The following OXCT1 variants were observed in gnomAD, a reference collection of about 807,000 sequenced individuals.
OXCT1 encodes the protein succinyl-CoA:3-ketoacid coenzyme A transferase 1, mitochondrial.
In OXCT1, 27 loss-of-function variants were observed where a neutral mutation model predicts 69.6. The ratio of observed to expected loss-of-function variants is 0.39; its 90% confidence interval spans 0.29 to 0.54. The LOEUF (loss-of-function observed/expected upper bound fraction) is 0.54, where lower values mean the gene tolerates loss of function less well. OXCT1 is among the 20% of genes least tolerant of loss of function. The pLI is 0.72. For missense variants in OXCT1, 437 were observed against 650.2 expected, an observed-to-expected ratio of 0.67 and a Z score of 3.57; for synonymous variants, 202 against 217.8, an observed-to-expected ratio of 0.93 and a Z score of 0.64.
chr5:41,790,175 T>TC (rs2112215048), intron 13 of OXCT1, among the ~76,000 whole-genome samples: 1 of 152,318 alleles, frequency 6.6e-6, no homozygotes, highest in African/African-American at 2.4e-5. Flanking sequence ...TGCAGCCCTG[T>TC]CCAGTGGGCT....
At chr5:41,817,432 T>C (rs992565554) in intron 7 of OXCT1, among the ~76,000 whole-genome samples, 22 of 152,344 alleles carry the variant, frequency 1.4e-4, no homozygotes, top group South Asian at 2.1e-4. Context: ...GTTAAGTCTA[T>C]ACTAGTTCCT....
intron 15 of OXCT1, among the ~76,000 whole-genome samples, chr5:41,748,579 G>A (rs1398238039): frequency 1.3e-5 from 2 of 151,848 alleles, no homozygotes; most frequent in Non-Finnish European, 2.9e-5. Context: ...TTCTTTATAT[G>A]TTACCTTCAT....
chr5:41,781,771 CA>C (rs1010169762), intron 13 of OXCT1, among the ~76,000 whole-genome samples: 10 of 152,180 alleles, frequency 6.6e-5, no homozygotes, highest in Non-Finnish European at 1.5e-4. Context: ...CAGGTCCCTG[CA>C]AAGAACATGA....
intron 16 of OXCT1, among the ~76,000 whole-genome samples, chr5:41,732,362 G>A (rs1166588954): frequency 2.0e-5 from 3 of 152,134 alleles, no homozygotes; most frequent in East Asian, 1.9e-4. Flanking sequence ...ACAATTAAAT[G>A]TTGATTATAA....
chr5:41,807,237 C>T, intron 8 of OXCT1, 94 bp downstream of exon 8: 1 of 754,178 alleles, frequency 1.3e-6, no homozygotes. Flanking sequence ...ACTTTCTGCT[C>T]AGCTCTAGTT....
intron 7 of OXCT1, among the ~76,000 whole-genome samples, chr5:41,834,690 A>G (rs1053766905): frequency 6.6e-6 from 1 of 152,184 alleles, no homozygotes; most frequent in African/African-American, 2.4e-5. Context: ...AAATATTATT[A>G]GAGCTAAAGA....
chr5:41,813,504 C>T (rs905146209), intron 7 of OXCT1, among the ~76,000 whole-genome samples: 30 of 152,094 alleles, frequency 2.0e-4, no homozygotes, highest in African/African-American at 7.2e-4. Context: ...CTCCCATCCC[C>T]TAGCTCCAGC....
chr5:41,745,589 C>CA (rs1283367979), intron 15 of OXCT1, among the ~76,000 whole-genome samples: 1 of 152,024 alleles, frequency 6.6e-6, no homozygotes, highest in African/African-American at 2.4e-5. Flanking sequence ...AAAAACCCTT[C>CA]AAAAAATCAG....
intron 13 of OXCT1, among the ~76,000 whole-genome samples, chr5:41,789,046 T>C (rs538033569): frequency 6.6e-6 from 1 of 152,266 alleles, no homozygotes; most frequent in South Asian, 2.1e-4. Context: ...ACAAGGAAGA[T>C]TAGAAAGTAT....
chr5:41,821,887 A>C lies in OXCT1; in HGVS notation c.733-14449T>G, dbSNP rs906666887. On this transcript the variant is annotated intron_variant, in intron 7 of 16. Transcript: ENST00000196371. ...ATCTTCTCCCAAACCAGAGTTTGTC[A>C]TTTTTTTCCCTGTACAGTGTCTTCC... is the stretch of plus-strand genomic sequence containing the variant. 3.3e-5 allele frequency among the ~76,000 whole-genome samples: 5 copies of C among 152,058 alleles called. No individual in the cohort carries two copies. In the East Asian group the frequency reaches 7.7e-4, roughly 23 times the overall value.
At chr5:41,778,036 G>C (rs1437168378) in intron 13 of OXCT1, among the ~76,000 whole-genome samples, 1 of 152,188 alleles carries the variant, frequency 6.6e-6, no homozygotes, top group Non-Finnish European at 1.5e-5. Flanking sequence ...ATAGTGAATG[G>C]CTAAAACATG....
At chr5:41,753,984 T>G (rs559418390) in intron 14 of OXCT1, among the ~76,000 whole-genome samples, 1 of 152,110 alleles carries the variant, frequency 6.6e-6, no homozygotes, top group East Asian at 1.9e-4. Context: ...GGAAGACAGA[T>G]AAAGGTGTGA....
intron 16 of OXCT1, among the ~76,000 whole-genome samples, chr5:41,734,144 C>A (rs998783905): frequency 1.3e-5 from 2 of 152,114 alleles, no homozygotes; most frequent in Non-Finnish European, 2.9e-5. Flanking sequence ...TATATTCCTG[C>A]CTGGAGAATA....
intron 16 of OXCT1, among the ~76,000 whole-genome samples, chr5:41,735,568 A>AT (rs1355301844): frequency 6.6e-6 from 1 of 152,192 alleles, no homozygotes; most frequent in Non-Finnish European, 1.5e-5. Flanking sequence ...AAGATGGTAA[A>AT]TTTTTTTAAA....
chr5:41,822,441 G>A (rs990783612), intron 7 of OXCT1, among the ~76,000 whole-genome samples: 2 of 152,108 alleles, frequency 1.3e-5, no homozygotes, highest in African/African-American at 4.8e-5. Context: ...TTGCTCTGAA[G>A]TCTACTTTGT....
chr5:41,783,371 T>G (rs776753054), intron 13 of OXCT1, among the ~76,000 whole-genome samples: 37 of 152,300 alleles, frequency 2.4e-4, no homozygotes, highest in Non-Finnish European at 4.4e-4. Flanking sequence ...AGCTGCAGGG[T>G]CACCAGCAGT....
At chr5:41,805,515 T>C (rs531520212) in intron 9 of OXCT1, 52 bp downstream of exon 9, 166 of 1,204,774 alleles carry the variant, frequency 1.4e-4, no homozygotes, top group Non-Finnish European at 1.9e-4. Flanking sequence ...CTGATCAATA[T>C]GGGAAAAGCA....
At chr5:41,859,056 C>T (rs1749595015) in intron 3 of OXCT1, among the ~76,000 whole-genome samples, 2 of 152,188 alleles carry the variant, frequency 1.3e-5, no homozygotes, top group Admixed American at 1.3e-4. Context: ...GATGAGCTAT[C>T]ATCATCCTAC....
intron 13 of OXCT1, among the ~76,000 whole-genome samples, chr5:41,783,030 A>T (rs1745485912): frequency 6.6e-6 from 1 of 152,226 alleles, no homozygotes. Context: ...CAGTTTATGA[A>T]AAGAATCCTT....
Sources: allele counts gnomAD v4.1 joint callset (sites outside exome capture counted in the v4.1 genomes callset), GRCh38; gene constraint gnomAD v4.1.1; transcripts MANE v1.5; gene names NCBI Gene and HGNC (gene_info 2026-07-23, HGNC 2026-07-21).